The following THADA variants were observed in gnomAD, a reference collection of about 807,000 sequenced individuals.
THADA encodes the protein THADA armadillo repeat containing, also known as tRNA (32-2'-O)-methyltransferase regulator THADA.
Under a neutral mutation model 219.8 loss-of-function variants are expected in THADA, and 213 were observed. The observed-to-expected ratio is 0.97, with a 90% confidence interval of 0.87 to 1.09. The LOEUF is 1.09. Among genes scored for constraint, THADA ranks in the 50% least tolerant of loss-of-function variants. The probability of loss-of-function intolerance (pLI) is 0.00; values close to 1 mark genes in which losing one functional copy is unlikely to be tolerated. For missense variants in THADA, 2,956 were observed against 2,311.3 expected, an observed-to-expected ratio of 1.28 and a Z score of -5.72; for synonymous variants, 1,018 against 828.9, an observed-to-expected ratio of 1.23 and a Z score of -3.92.
At chr2:43,365,566 G>GACACACACACACACAC (rs375762944) in intron 29 of THADA, among the ~76,000 whole-genome samples, 123 of 143,600 alleles carry the variant, frequency 8.6e-4, no homozygotes, top group Middle Eastern at 7.1e-3. Context: ...GCAAGACTCT[G>GACACACACACACACAC]ACACACACAC....
intron 29 of THADA, among the ~76,000 whole-genome samples, chr2:43,367,507 CA>C (rs1243675343): frequency 1.3e-5 from 2 of 152,072 alleles, no homozygotes; most frequent in African/African-American, 4.8e-5. Flanking sequence ...CTAACATTAC[CA>C]ACTGGTATTG....
At chr2:43,340,443 A>G (rs973137335) in intron 30 of THADA, among the ~76,000 whole-genome samples, 8 of 152,268 alleles carry the variant, frequency 5.3e-5, no homozygotes, top group African/African-American at 1.9e-4. Flanking sequence ...GTCAAAATTT[A>G]AAGACTGAAT....
chr2:43,526,123 G>A (rs944667650), intron 22 of THADA, among the ~76,000 whole-genome samples: 2 of 152,110 alleles, frequency 1.3e-5, no homozygotes, highest in South Asian at 2.1e-4. Context: ...TGTCAATAGG[G>A]CAAATACCCT....
chr2:43,457,670 C>T (rs1338874989), intron 26 of THADA, among the ~76,000 whole-genome samples: 2 of 152,112 alleles, frequency 1.3e-5, no homozygotes, highest in African/African-American at 2.4e-5. Flanking sequence ...TATGACTATA[C>T]ACCAAAAATG....
rs1674114631 is a variant in THADA at position 43,287,045 on chromosome 2, G to C, written c.5027C>G (p.Ala1676Gly). The change falls in exon 35 of 38, where the codon GCT becomes GGT. Residue 1676 changes from alanine to glycine, a missense_variant. Ala to Gly is a moderately conservative substitution (Grantham distance 60). Transcript: ENST00000405975. ...CTGAACCCACTGCTTCAGCTCAGCA[G>C]CTATCAATTCCCTGTTCTAAAAGCA... ...QTCVENRELIAAELKQWVQLV... is the reference protein window; with the variant it reads ...QTCVENRELIGAELKQWVQLV... The C allele has an allele frequency of 1.2e-6, 2 of 1,613,186 alleles. No individual in the cohort carries two copies. The highest frequency in any genetic ancestry group is 4.5e-5 in the East Asian group (2 of 44,848).
chr2:43,306,340 C>T (rs575750476), intron 31 of THADA, among the ~76,000 whole-genome samples: 2 of 152,202 alleles, frequency 1.3e-5, no homozygotes, highest in Admixed American at 6.5e-5. Context: ...CGAATTGGTC[C>T]GAAGAACAGG....
At chr2:43,343,857 C>G in intron 30 of THADA, 1 of 349,652 alleles carries the variant, frequency 2.9e-6, no homozygotes. Flanking sequence ...GGGCACGCAG[C>G]AGGTTTCAAC....
chr2:43,479,352 A>C (rs1457449538), intron 26 of THADA, among the ~76,000 whole-genome samples: 1 of 152,184 alleles, frequency 6.6e-6, no homozygotes, highest in Non-Finnish European at 1.5e-5. Flanking sequence ...CAAATTGCTT[A>C]ACTTTTCTGC....
At position 43,410,361 on chromosome 2, in the gene THADA, G is replaced by A. The variant is rs1360506255; in HGVS notation, c.4059-12222C>T. ...AACAAGTTAAATATATACTCACCAC[G>A]CAGCTCACCTGTTCAATTCCTGTGT... is the stretch of plus-strand genomic sequence containing the variant. On this transcript the variant is annotated intron_variant, in intron 28 of 37. Coordinates refer to ENST00000405975, the MANE Select transcript of THADA (RefSeq NM_022065.5). Among the ~76,000 whole-genome samples, 6 of 152,234 alleles carry A rather than the reference G, an allele frequency of 3.9e-5. No homozygotes were observed. The South Asian group carries it at 6.2e-4, about 16-fold the overall frequency.
At chr2:43,318,177 C>A (rs891706119) in intron 31 of THADA, among the ~76,000 whole-genome samples, 4 of 151,900 alleles carry the variant, frequency 2.6e-5, no homozygotes, top group East Asian at 3.9e-4. Context: ...GTACCTAGGC[C>A]TACAGATGTG....
At chr2:43,395,614 G>C (rs905965198) in intron 29 of THADA, among the ~76,000 whole-genome samples, 1 of 152,226 alleles carries the variant, frequency 6.6e-6, no homozygotes, top group Non-Finnish European at 1.5e-5. Context: ...CAAGAAAATA[G>C]TTTCCTCTTT....
chr2:43,507,143 C>T lies in THADA; in HGVS notation c.3508-1408G>A, dbSNP rs190204486. ...AGTCACGCTAAGAGAAATGAAGACTCTCTTTAAGCAGATTTTTAAAAAAAA... is the reference window on the plus strand; with the variant it reads ...AGTCACGCTAAGAGAAATGAAGACTTTCTTTAAGCAGATTTTTAAAAAAAA... On this transcript the variant is annotated intron_variant, in intron 23 of 37. Coordinates refer to ENST00000405975, the MANE Select transcript of THADA (RefSeq NM_022065.5). 2.6e-5 allele frequency among the ~76,000 whole-genome samples: 4 copies of T among 152,180 alleles called. No individual in the cohort carries two copies. The East Asian group carries it at 7.7e-4, about 29-fold the overall frequency.
intron 26 of THADA, among the ~76,000 whole-genome samples, chr2:43,483,744 T>C (rs1686533637): frequency 2.0e-5 from 3 of 151,594 alleles, no homozygotes; most frequent in Admixed American, 1.3e-4. Context: ...TTTTCTCCTA[T>C]ACATAGTAAA....
intron 30 of THADA, among the ~76,000 whole-genome samples, chr2:43,326,512 T>A (rs1179109082): frequency 2.0e-5 from 3 of 152,202 alleles, no homozygotes; most frequent in Admixed American, 2.0e-4. Context: ...TGGCTTAATG[T>A]GGCCTCCATC....
chr2:43,573,795 G>A (rs1289957048), intron 11 of THADA, among the ~76,000 whole-genome samples: 1 of 152,118 alleles, frequency 6.6e-6, no homozygotes, highest in Non-Finnish European at 1.5e-5. Context: ...TACACATCCT[G>A]AATTATGCTT....
chr2:43,360,474 C>T (rs186667929), intron 29 of THADA, among the ~76,000 whole-genome samples: 10 of 152,270 alleles, frequency 6.6e-5, no homozygotes, highest in Admixed American at 2.0e-4. Flanking sequence ...ATGTTTGTGT[C>T]GTGGGCCACC....
At chr2:43,505,299 T>C (rs1049052205) in intron 24 of THADA, among the ~76,000 whole-genome samples, 3 of 152,042 alleles carry the variant, frequency 2.0e-5, no homozygotes, top group Non-Finnish European at 4.4e-5. Context: ...AAAGCAACGG[T>C]TTATTTTGTG....
intron 26 of THADA, among the ~76,000 whole-genome samples, chr2:43,481,161 G>C (rs1404140137): frequency 6.6e-6 from 1 of 152,174 alleles, no homozygotes; most frequent in African/African-American, 2.4e-5. Flanking sequence ...TGCTGGACTG[G>C]ATTAGATGCC....
At chr2:43,368,930 C>A (rs1423903886) in intron 29 of THADA, among the ~76,000 whole-genome samples, 1 of 152,174 alleles carries the variant, frequency 6.6e-6, no homozygotes, top group African/African-American at 2.4e-5. Flanking sequence ...TCTCCTAACA[C>A]TAGCTTTCAA....
Sources: gnomAD v4.1 joint callset for allele counts (sites outside exome capture counted in the v4.1 genomes callset) on GRCh38, gnomAD v4.1.1 for gene constraint, MANE v1.5 for transcripts, NCBI Gene and HGNC (gene_info 2026-07-23, HGNC 2026-07-21) for gene names.